Variants in CLASP2 observed in about 807,000 individuals in gnomAD.
CLASP2 encodes CLIP-associating protein 2.
CLASP2 carries 47 observed loss-of-function variants against 194.4 expected under a neutral mutation model. That is an observed-to-expected ratio of 0.24 (90% CI 0.19 to 0.31). The LOEUF (loss-of-function observed/expected upper bound fraction) is 0.31, where lower values mean the gene tolerates loss of function less well. CLASP2 is among the 10% of genes least tolerant of loss of function. CLASP2 has a pLI of 1.00. For missense variants in CLASP2, 1,445 were observed against 1,823.6 expected, an observed-to-expected ratio of 0.79 and a Z score of 3.78; for synonymous variants, 619 against 633.5, an observed-to-expected ratio of 0.98 and a Z score of 0.34.
At chr3:33,646,604 T>C (rs1164938220) in intron 7 of CLASP2, among the ~76,000 whole-genome samples, 2 of 152,108 alleles carry the variant, frequency 1.3e-5, no homozygotes, top group East Asian at 3.9e-4. Flanking sequence ...GAAGTTCCCA[T>C]GGAAACAGTA....
intron 27 of CLASP2, among the ~76,000 whole-genome samples, chr3:33,562,758 T>C (rs1277787389): frequency 1.3e-5 from 2 of 152,168 alleles, no homozygotes; most frequent in African/African-American, 2.4e-5. Flanking sequence ...ATCACAGACA[T>C]TAGAATGCCT....
At chr3:33,649,738 A>G (rs112283637) in intron 7 of CLASP2, among the ~76,000 whole-genome samples, 1 of 152,206 alleles carries the variant, frequency 6.6e-6, no homozygotes, top group African/African-American at 2.4e-5. Flanking sequence ...CCTCGAGGTT[A>G]AAGTAAATCA....
At chr3:33,646,579 AAC>A (rs572691176) in intron 7 of CLASP2, among the ~76,000 whole-genome samples, 26 of 152,158 alleles carry the variant, frequency 1.7e-4, no homozygotes, top group Non-Finnish European at 2.9e-4. Context: ...TAAGCACTAA[AAC>A]ACAGAGCAGC....
intron 30 of CLASP2, among the ~76,000 whole-genome samples, chr3:33,547,372 A>G (rs148808251): frequency 1.1e-3 from 165 of 152,336 alleles, no homozygotes; most frequent in African/African-American, 3.6e-3. Context: ...GACTTCTGCC[A>G]TGATTGTGAG....
chr3:33,693,822 C>T (rs116011153), intron 2 of CLASP2, among the ~76,000 whole-genome samples: 11 of 150,950 alleles, frequency 7.3e-5, no homozygotes, highest in African/African-American at 2.7e-4. Context: ...AGTAAATGCA[C>T]AGGGATAACA....
At chr3:33,512,688 GAAAAAAAAA>G (rs974434369) in intron 36 of CLASP2, among the ~76,000 whole-genome samples, 1 of 78,758 alleles carries the variant, frequency 1.3e-5, no homozygotes, top group African/African-American at 4.9e-5. Context: ...ACATACACTG[GAAAAAAAAA>G]AAAAAAAAAA....
intron 37 of CLASP2, among the ~76,000 whole-genome samples, chr3:33,509,658 G>A (rs2049219732): frequency 6.6e-6 from 1 of 152,056 alleles, no homozygotes; most frequent in African/African-American, 2.4e-5. Context: ...TCTTTAGGAG[G>A]GTTCTTAATA....
intron 8 of CLASP2, 124 bp downstream of exon 8, chr3:33,644,633 C>T (rs2081970839): frequency 2.0e-6 from 2 of 995,634 alleles, no homozygotes; most frequent in East Asian, 5.2e-5. Context: ...AATGTTGCAA[C>T]AGACTCCAGA....
intron 35 of CLASP2, 64 bp downstream of exon 35, chr3:33,516,917 G>C: frequency 7.3e-7 from 1 of 1,367,276 alleles, no homozygotes; most frequent in Non-Finnish European, 1.0e-6. Context: ...TGTAGCATTA[G>C]ATTAACAGGC....
chr3:33,614,228 T>A (rs1158279085), intron 12 of CLASP2, among the ~76,000 whole-genome samples: 1 of 151,864 alleles, frequency 6.6e-6, no homozygotes, highest in Non-Finnish European at 1.5e-5. Context: ...GTATAAAGAG[T>A]AAAGCCTGAG....
In CLASP2 at chr3:33,621,057, C is replaced by T. The variant is rs181635577; in HGVS notation, c.1181+1078G>A. Among the ~76,000 whole-genome samples the T allele has an allele frequency of 3.4e-3, 508 of 150,666 alleles. 3 individuals are homozygous for T. Among genetic ancestry groups the T allele is most frequent in the African/African-American group, 0.011 (459 of 40,888 alleles). ...TGTGTGTGTGAATCTCCCCTCTTCT[C>T]TCCAGTATTCTGCACTGCCAATTGT... On this transcript the variant is annotated intron_variant, in intron 11 of 38. Coordinates refer to ENST00000682230, the MANE Select transcript of CLASP2 (RefSeq NM_001365631.1).
At chr3:33,590,935 T>C (rs2154234830) in intron 21 of CLASP2, among the ~76,000 whole-genome samples, 1 of 152,256 alleles carries the variant, frequency 6.6e-6, no homozygotes, top group Admixed American at 6.5e-5. Flanking sequence ...AATCCCAGCA[T>C]TTTAGCAGGC....
intron 18 of CLASP2, among the ~76,000 whole-genome samples, chr3:33,598,758 G>A (rs1055341835): frequency 1.3e-5 from 2 of 152,168 alleles, no homozygotes; most frequent in South Asian, 2.1e-4. Context: ...CTGTCCATAT[G>A]ACCTCATTGA....
chr3:33,567,838 T>C (rs8179967), intron 26 of CLASP2, among the ~76,000 whole-genome samples: 39,313 of 152,036 alleles, frequency 0.26, 5,655 homozygotes, highest in Admixed American at 0.38. Context: ...AAAAGGTACG[T>C]CTTGTCTACT....
chr3:33,647,918 A>C (rs978125003), intron 7 of CLASP2, among the ~76,000 whole-genome samples: 9 of 152,090 alleles, frequency 5.9e-5, no homozygotes, highest in African/African-American at 1.9e-4. Flanking sequence ...CTGTAGCCCC[A>C]GCTACTCAGG....
chr3:33,498,721 C>A lies in CLASP2; in HGVS notation c.4435-4G>T, dbSNP rs747669687. ...TGTAAAGATTCAGTAGCTTCATCTGCAGATTCAAGCCAAATAAATGTCATT... is the reference window on the plus strand; with the variant it reads ...TGTAAAGATTCAGTAGCTTCATCTGAAGATTCAAGCCAAATAAATGTCATT... On this transcript the variant is annotated splice_polypyrimidine_tract_variant and splice_region_variant and intron_variant, in intron 38 of 38. Coordinates refer to ENST00000682230, the MANE Select transcript of CLASP2 (RefSeq NM_001365631.1). 2.5e-6 allele frequency: 4 copies of A among 1,604,714 alleles called. No individual in the cohort carries two copies. Among genetic ancestry groups the A allele is most frequent in the South Asian group, 2.2e-5 (2 of 90,596 alleles).
chr3:33,685,274 G>A (rs2090494449), intron 5 of CLASP2, among the ~76,000 whole-genome samples: 1 of 142,864 alleles, frequency 7.0e-6, no homozygotes, highest in African/African-American at 2.5e-5. Context: ...CCAGGGAGGT[G>A]GAGGTTGCAG....
chr3:33,618,850 A>T (rs1460643720), intron 12 of CLASP2, among the ~76,000 whole-genome samples: 1 of 152,210 alleles, frequency 6.6e-6, no homozygotes, highest in Non-Finnish European at 1.5e-5. Context: ...CTGTTCTTTC[A>T]GACTTCCTCA....
intron 11 of CLASP2, among the ~76,000 whole-genome samples, chr3:33,621,550 C>CT (rs896694504): frequency 3.3e-5 from 5 of 151,904 alleles, no homozygotes; most frequent in South Asian, 4.2e-4. Flanking sequence ...CTTATATTGC[C>CT]TTTTTTTTCT....
Sources: allele counts gnomAD v4.1 joint callset (sites outside exome capture counted in the v4.1 genomes callset), GRCh38; gene constraint gnomAD v4.1.1; transcripts MANE v1.5; gene names NCBI Gene and HGNC (gene_info 2026-07-23, HGNC 2026-07-21).